Variants in WDR27 observed in about 807,000 individuals in gnomAD.
WDR27 encodes WD repeat domain 27.
In WDR27, 100 loss-of-function variants were observed where a neutral mutation model predicts 114.4. The observed-to-expected ratio is 0.87, with a 90% CI of 0.74 to 1.03. WDR27 has a LOEUF of 1.03. WDR27 is among the 50% of genes least tolerant of loss of function. The probability of loss-of-function intolerance (pLI) is 0.00; values close to 1 mark genes in which losing one functional copy is unlikely to be tolerated. For synonymous variants in WDR27, 449 were observed against 423.1 expected, an observed-to-expected ratio of 1.06 and a Z score of -0.75; for missense variants, 1,129 against 1,092.9, an observed-to-expected ratio of 1.03 and a Z score of -0.47.
intron 24 of WDR27, among the ~76,000 whole-genome samples, chr6:169,575,332 C>CA (rs1802110669): frequency 7.9e-6 from 1 of 126,374 alleles, no homozygotes; most frequent in Non-Finnish European, 1.7e-5. Context: ...CTCTCTCTCT[C>CA]TCCATCCATC....
chr6:169,591,409 C>T (rs889085934), intron 23 of WDR27, among the ~76,000 whole-genome samples: 1 of 152,216 alleles, frequency 6.6e-6, no homozygotes, highest in Non-Finnish European at 1.5e-5. Context: ...ATCCATTCTA[C>T]TTGTCTGCAA....
At chr6:169,626,653 T>C (rs1348731556) in intron 21 of WDR27, among the ~76,000 whole-genome samples, 1 of 152,230 alleles carries the variant, frequency 6.6e-6, no homozygotes, top group African/African-American at 2.4e-5. Context: ...GCTTTCCACA[T>C]GAGTCCGCAC....
chr6:169,599,295 A>G (rs977078310), intron 23 of WDR27, among the ~76,000 whole-genome samples: 1 of 152,224 alleles, frequency 6.6e-6, no homozygotes, highest in African/African-American at 2.4e-5. Flanking sequence ...GAGAAGCACT[A>G]GACAAAAAGA....
chr6:169,585,423 G>A (rs1459658193), intron 23 of WDR27, among the ~76,000 whole-genome samples: 1 of 152,174 alleles, frequency 6.6e-6, no homozygotes, highest in Non-Finnish European at 1.5e-5. Flanking sequence ...AGGTTTTGAA[G>A]TAAAGTCTAC....
Position 169,665,557 on chromosome 6 carries a change from C to G in WDR27, c.713-1G>C, listed in dbSNP as rs777926638. On this transcript the variant is annotated splice_acceptor_variant, in intron 6 of 25. Coordinates refer to ENST00000448612, the MANE Select transcript of WDR27 (RefSeq NM_182552.5). LOFTEE classifies it high-confidence loss of function. ...ATGAATAAACTGAGAAGAGGATATG[C>G]TGGTGAAAGGAACATCGGAAAATTT... The G allele has an allele frequency of 9.3e-6, 15 of 1,612,656 alleles. No individual in the cohort carries two copies. The highest frequency in any genetic ancestry group is 1.1e-5 in the Non-Finnish European group (13 of 1,179,212).
At chr6:169,652,630 A>C (rs542177561) in intron 13 of WDR27, among the ~76,000 whole-genome samples, 2 of 152,372 alleles carry the variant, frequency 1.3e-5, no homozygotes, top group East Asian at 3.9e-4. Context: ...TAAGTGTTGT[A>C]AGTAGAGGGA....
intron 25 of WDR27, among the ~76,000 whole-genome samples, chr6:169,557,744 G>A (rs952290997): frequency 6.6e-6 from 1 of 151,958 alleles, no homozygotes; most frequent in Non-Finnish European, 1.5e-5. Context: ...TGGGCAAGAG[G>A]GAGATGCTGT....
At chr6:169,564,705 C>CGA (rs3029658) in intron 25 of WDR27, among the ~76,000 whole-genome samples, 89,617 of 151,872 alleles carry the variant, frequency 0.59, 29,169 homozygotes, top group Non-Finnish European at 0.72. Flanking sequence ...CTGGCTCCCA[C>CGA]GAGACTCTCA....
chr6:169,627,963 C>G (rs1196725142), intron 21 of WDR27, among the ~76,000 whole-genome samples: 1 of 152,086 alleles, frequency 6.6e-6, no homozygotes, highest in Non-Finnish European at 1.5e-5. Flanking sequence ...AGCTGTGACA[C>G]TCAAAAAATT....
chr6:169,614,888 T>G (rs1204466185), intron 21 of WDR27, among the ~76,000 whole-genome samples: 1 of 152,046 alleles, frequency 6.6e-6, no homozygotes, highest in African/African-American at 2.4e-5. Context: ...ACAGAGAAGA[T>G]AATGGCACTA....
intron 17 of WDR27, among the ~76,000 whole-genome samples, chr6:169,641,929 C>T (rs976635414): frequency 6.6e-6 from 1 of 152,218 alleles, no homozygotes; most frequent in Non-Finnish European, 1.5e-5. Context: ...GGCACATGCT[C>T]GGCGGAAGGC....
chr6:169,694,084 C>A (rs1257747295), intron 1 of WDR27, among the ~76,000 whole-genome samples: 1 of 152,072 alleles, frequency 6.6e-6, no homozygotes, highest in African/African-American at 2.4e-5. Flanking sequence ...CCGAGGTGGG[C>A]AGATCACAAG....
chr6:169,628,210 C>G (rs1044413809), intron 21 of WDR27, among the ~76,000 whole-genome samples: 5 of 152,000 alleles, frequency 3.3e-5, no homozygotes, highest in Non-Finnish European at 5.9e-5. Context: ...GCAGGAAGGC[C>G]CCGCCACTCA....
At chr6:169,548,871 C>T (rs1797765384) in intron 25 of WDR27, among the ~76,000 whole-genome samples, 1 of 152,192 alleles carries the variant, frequency 6.6e-6, no homozygotes, top group South Asian at 2.1e-4. Flanking sequence ...TGAATCTGGA[C>T]ATAGACCTTA....
chr6:169,692,838 T>A (rs537299860), intron 1 of WDR27, among the ~76,000 whole-genome samples: 1 of 152,272 alleles, frequency 6.6e-6, no homozygotes, highest in South Asian at 2.1e-4. Flanking sequence ...TGATGGTTTG[T>A]CTCTACCCAC....
the WDR27 span, among the ~76,000 whole-genome samples, chr6:169,448,275 C>T: frequency 4.6e-5 from 7 of 151,696 alleles, no homozygotes; most frequent in Non-Finnish European, 8.8e-5. Flanking sequence ...AGCGTTTAGG[C>T]CATTTTTTTC....
At chr6:169,471,728 T>C (rs1018516879) in intron 25 of WDR27, among the ~76,000 whole-genome samples, 1 of 152,208 alleles carries the variant, frequency 6.6e-6, no homozygotes, top group African/African-American at 2.4e-5. Flanking sequence ...GGTGTCCCAA[T>C]AATATCTTAG....
chr6:169,635,445 C>T (rs926563182), intron 19 of WDR27, among the ~76,000 whole-genome samples: 6 of 152,152 alleles, frequency 3.9e-5, no homozygotes, highest in Non-Finnish European at 7.3e-5. Context: ...AGGGAGGGGC[C>T]GCAGGAGGGG....
chr6:169,677,189 A>C (rs1177995354), intron 2 of WDR27, among the ~76,000 whole-genome samples: 1 of 152,240 alleles, frequency 6.6e-6, no homozygotes, highest in Non-Finnish European at 1.5e-5. Flanking sequence ...GATACCAGTT[A>C]AATGACTGTG....
Sources: gnomAD v4.1 joint callset for allele counts (sites outside exome capture counted in the v4.1 genomes callset) on GRCh38, gnomAD v4.1.1 for gene constraint, MANE v1.5 for transcripts, NCBI Gene and HGNC (gene_info 2026-07-23, HGNC 2026-07-21) for gene names.